The following LRRC8D variants were observed in gnomAD, a reference collection of about 807,000 sequenced individuals.
The protein encoded by LRRC8D is leucine rich repeat containing 8 VRAC subunit D.
Under a neutral mutation model 55.8 loss-of-function variants are expected in LRRC8D, and 20 were observed. The ratio of observed to expected loss-of-function variants is 0.36; its 90% CI spans 0.25 to 0.52. The LOEUF (loss-of-function observed/expected upper bound fraction) is 0.52. Ranked by LOEUF, LRRC8D falls within the 20% of genes least tolerant of loss-of-function variation. The probability of loss-of-function intolerance (pLI) is 0.93; values close to 1 mark genes in which losing one functional copy is unlikely to be tolerated. For missense variants in LRRC8D, 651 were observed against 1,030.8 expected (o/e 0.63, Z 5.05); for synonymous variants, 352 against 377.0 (o/e 0.93, Z 0.77).
chr1:89,919,078 G>C (rs1360140676), intron 2 of LRRC8D, among the ~76,000 whole-genome samples: 1 of 152,242 alleles, frequency 6.6e-6, no homozygotes, highest in East Asian at 1.9e-4. Context: ...AGTTCTGCAA[G>C]TATCATGAGC....
At chr1:89,904,162 G>C (rs947468395) in intron 2 of LRRC8D, among the ~76,000 whole-genome samples, 1 of 152,196 alleles carries the variant, frequency 6.6e-6, no homozygotes, top group Non-Finnish European at 1.5e-5. Flanking sequence ...CTATCTGGAA[G>C]GATCGTCCTC....
At chr1:89,864,111 C>T (rs1051448859) in intron 2 of LRRC8D, among the ~76,000 whole-genome samples, 1 of 152,192 alleles carries the variant, frequency 6.6e-6, no homozygotes, top group Non-Finnish European at 1.5e-5. Flanking sequence ...TGCATTGAGG[C>T]ACCATGTCAA....
chr1:89,909,755 A>G (rs958772697), intron 2 of LRRC8D, among the ~76,000 whole-genome samples: 11 of 151,824 alleles, frequency 7.2e-5, no homozygotes, highest in African/African-American at 2.7e-4. Context: ...AGTCCCAGCT[A>G]CTTAGGAGGC....
chr1:89,879,316 A>G (rs1330692265), intron 2 of LRRC8D, among the ~76,000 whole-genome samples: 1 of 152,226 alleles, frequency 6.6e-6, no homozygotes, highest in Non-Finnish European at 1.5e-5. Context: ...TATAAACCTT[A>G]TTAATATAAA....
Position 89,934,734 on chromosome 1 carries a change from G to A in LRRC8D, c.1666G>A (p.Val556Met), listed in dbSNP as rs1427786115. The change falls in exon 3 of 3, where the codon GTG becomes ATG. Residue 556 changes from valine (V) to methionine (M), a missense_variant. Val to Met is a conservative substitution (Grantham distance 21, BLOSUM62 1). Around this residue, in one of 5 missense-constraint regions of LRRC8D, gnomAD observed 338 missense variants for 479.4 expected, o/e 0.71. Transcript: ENST00000337338. The surrounding 1 kb of genome is among the most constrained non-coding windows in gnomAD (Gnocchi z 5.9). ...FTDVAEIPAW[V>M]YLLKNLRELY... The stretch of plus-strand genomic sequence containing the variant: ...TGATGTGGCTGAAATTCCTGCCTGG[G>A]TGTATTTGCTCAAAAACCTTCGAGA... The A allele has an allele frequency of 2.5e-6, 4 of 1,614,118 alleles. No homozygotes were observed. The highest frequency in any genetic ancestry group is 1.3e-5 in the African/African-American group (1 of 75,032).
At chr1:89,826,403 T>C (rs867897226) in intron 1 of LRRC8D, among the ~76,000 whole-genome samples, 72 of 151,962 alleles carry the variant, frequency 4.7e-4, no homozygotes, top group Middle Eastern at 3.2e-3. Flanking sequence ...TAGCTGGGAC[T>C]ACAGGCACCC....
chr1:89,905,878 C>A (rs79763563), intron 2 of LRRC8D, among the ~76,000 whole-genome samples: 3 of 152,078 alleles, frequency 2.0e-5, no homozygotes, highest in Non-Finnish European at 4.4e-5. Flanking sequence ...TCTCTCTTGG[C>A]GATGTAACAT....
chr1:89,923,230 C>T (rs997008393), intron 2 of LRRC8D, among the ~76,000 whole-genome samples: 2 of 152,196 alleles, frequency 1.3e-5, no homozygotes, highest in Middle Eastern at 3.2e-3. Context: ...GTGAAATCCA[C>T]TTCCGCATAA....
intron 2 of LRRC8D, among the ~76,000 whole-genome samples, chr1:89,920,697 G>GAA (rs555845776): frequency 4.5e-4 from 51 of 113,218 alleles, no homozygotes; most frequent in Non-Finnish European, 7.8e-4. Context: ...GGCCTATTGG[G>GAA]AAAAAAAAAA....
At chr1:89,827,044 C>CTAGG (rs1419055016) in intron 1 of LRRC8D, among the ~76,000 whole-genome samples, 1 of 152,108 alleles carries the variant, frequency 6.6e-6, no homozygotes, top group Non-Finnish European at 1.5e-5. Context: ...CCATGAAATG[C>CTAGG]TAGGCTTCAT....
At chr1:89,837,994 A>G (rs370384935) in intron 1 of LRRC8D, among the ~76,000 whole-genome samples, 12 of 152,306 alleles carry the variant, frequency 7.9e-5, no homozygotes, top group African/African-American at 2.9e-4. Flanking sequence ...AATAATGAAC[A>G]TTATATTTAT....
At chr1:89,868,621 T>C (rs1393895162) in intron 2 of LRRC8D, among the ~76,000 whole-genome samples, 1 of 152,072 alleles carries the variant, frequency 6.6e-6, no homozygotes, top group Non-Finnish European at 1.5e-5. Flanking sequence ...TGCTAAGCAG[T>C]GTACATTGTG....
intron 1 of LRRC8D, among the ~76,000 whole-genome samples, chr1:89,822,652 T>C (rs1660667943): frequency 6.6e-6 from 1 of 152,086 alleles, no homozygotes; most frequent in Non-Finnish European, 1.5e-5. Context: ...GTCTACCTTA[T>C]AAACAAATAA....
chr1:89,824,659 C>A (rs1292450015), intron 1 of LRRC8D, among the ~76,000 whole-genome samples: 1 of 152,084 alleles, frequency 6.6e-6, no homozygotes, highest in African/African-American at 2.4e-5. Context: ...TGCACCAAGA[C>A]AATATGATGT....
At chr1:89,828,758 A>G (rs1478218210) in intron 1 of LRRC8D, among the ~76,000 whole-genome samples, 1 of 151,820 alleles carries the variant, frequency 6.6e-6, no homozygotes, top group Non-Finnish European at 1.5e-5. Flanking sequence ...TTTTTTTCTT[A>G]AAACATTTTT....
At chr1:89,870,122 G>T (rs1557460128) in intron 2 of LRRC8D, among the ~76,000 whole-genome samples, 1 of 151,796 alleles carries the variant, frequency 6.6e-6, no homozygotes, top group East Asian at 1.9e-4. Flanking sequence ...AAAAGAAAAA[G>T]AATTTTCAAC....
chr1:89,857,322 C>T lies in LRRC8D; in HGVS notation c.-3+13540C>T, dbSNP rs562797011. On this transcript the variant is annotated intron_variant, in intron 2 of 2. Transcript: ENST00000337338. ...GCTTGAACCTGGGAGATGGAGGTTG[C>T]GGTGAGCTGAGATCACACCATTGCA... Among the ~76,000 whole-genome samples, 18 of 137,572 alleles carry T rather than the reference C, an allele frequency of 1.3e-4. No homozygotes were observed. The South Asian group carries it at 2.6e-3, about 20-fold the overall frequency. The allele number at this position is 137,572 out of a possible 152,430, so 90.3% of individuals were successfully genotyped here. A position where few individuals can be genotyped will look rare whatever the true frequency, so the allele number is the denominator to read the frequency against.
intron 2 of LRRC8D, among the ~76,000 whole-genome samples, chr1:89,908,911 G>A (rs1386117016): frequency 2.0e-5 from 3 of 152,120 alleles, no homozygotes; most frequent in Admixed American, 6.5e-5. Flanking sequence ...TTTTTAAAGG[G>A]TAGAATGCTT....
At chr1:89,924,450 A>G (rs1663502953) in intron 2 of LRRC8D, among the ~76,000 whole-genome samples, 1 of 152,226 alleles carries the variant, frequency 6.6e-6, no homozygotes, top group Non-Finnish European at 1.5e-5. Context: ...AAAAGAAAAC[A>G]CTTACGCACT....
Sources: allele counts gnomAD v4.1 joint callset (sites outside exome capture counted in the v4.1 genomes callset), GRCh38; gene constraint gnomAD v4.1.1; regional missense constraint gnomAD v4.1.1; non-coding constraint Gnocchi (gnomAD v3.1); transcripts MANE v1.5; gene names NCBI Gene and HGNC (gene_info 2026-07-23, HGNC 2026-07-21).